Variants in PLXNA4 observed in about 807,000 individuals in gnomAD.
PLXNA4 encodes the protein plexin A4, also known as plexin-A4.
In PLXNA4, 44 loss-of-function variants were observed where a neutral mutation model predicts 191.8. That is an observed-to-expected ratio of 0.23 (90% CI 0.18 to 0.29). The LOEUF is 0.29. Among genes scored for constraint, PLXNA4 ranks in the 10% least tolerant of loss-of-function variants. The pLI is 1.00. For missense variants in PLXNA4, 1,800 were observed against 2,488.8 expected, an observed-to-expected ratio of 0.72 and a Z score of 5.89; for synonymous variants, 1,082 against 1,009.5, an observed-to-expected ratio of 1.07 and a Z score of -1.36.
At chr7:132,298,824 G>A (rs994428951) in intron 3 of PLXNA4, among the ~76,000 whole-genome samples, 28 of 152,336 alleles carry the variant, frequency 1.8e-4, no homozygotes, top group African/African-American at 6.0e-4. Context: ...CCCAGCAAAA[G>A]GGATGTGGGA....
chr7:132,636,134 A>G (rs1803601546), intron 2 of PLXNA4, among the ~76,000 whole-genome samples: 1 of 152,240 alleles, frequency 6.6e-6, no homozygotes, highest in African/African-American at 2.4e-5. Flanking sequence ...AGTGCAAGAA[A>G]CATTCAGCTC....
chr7:132,576,339 A>G lies in PLXNA4; in HGVS notation c.-87+83T>C. On this transcript the variant is annotated intron_variant, in intron 1 of 31. Transcript: ENST00000321063. This position sits in a 1 kb window ranked among gnomAD's most constrained non-coding sequence, Gnocchi z 5.8. ...GCGGGCTGGCTCCGGGACACTGAGG[A>G]CTCCCGGGTCGGCCCAGGTCTGTCC... The G allele has an allele frequency of 1.0e-6, 1 of 953,044 alleles. No homozygotes were observed. The highest frequency in any genetic ancestry group is 5.4e-4 in the Middle Eastern group (1 of 1,862). The allele number at this position is 953,044 out of a possible 1,614,324, so 59.0% of individuals were successfully genotyped here. A position where few individuals can be genotyped will look rare whatever the true frequency, so the allele number is the denominator to read the frequency against.
intron 3 of PLXNA4, among the ~76,000 whole-genome samples, chr7:132,322,167 C>A (rs1319735355): frequency 1.6e-5 from 2 of 126,614 alleles, no homozygotes; most frequent in Non-Finnish European, 1.7e-5. Flanking sequence ...GGCTAGAGTT[C>A]AATTTCCCTA....
chr7:132,227,354 C>T, intron 7 of PLXNA4, 97 bp downstream of exon 7: 1 of 1,509,162 alleles, frequency 6.6e-7, no homozygotes, highest in Non-Finnish European at 9.0e-7. Context: ...CTCTCTCCTG[C>T]CTGCAGGTTG....
At chr7:132,212,613 G>T (rs1298509100) in intron 9 of PLXNA4, among the ~76,000 whole-genome samples, 1 of 152,228 alleles carries the variant, frequency 6.6e-6, no homozygotes, top group African/African-American at 2.4e-5. Flanking sequence ...TGGAGTGGTT[G>T]TTCTCTCCAT....
intron 2 of PLXNA4, among the ~76,000 whole-genome samples, chr7:132,620,078 A>G (rs1233233962): frequency 6.6e-6 from 1 of 152,234 alleles, no homozygotes; most frequent in Non-Finnish European, 1.5e-5. Context: ...CTGGGATTAT[A>G]GGCGTGAGCC....
At chr7:132,430,756 G>A (rs1345972328) in intron 3 of PLXNA4, among the ~76,000 whole-genome samples, 1 of 152,178 alleles carries the variant, frequency 6.6e-6, no homozygotes, top group Non-Finnish European at 1.5e-5. Flanking sequence ...ATCTGTAGGT[G>A]GTAGGAGGCA....
intron 30 of PLXNA4, among the ~76,000 whole-genome samples, chr7:132,138,381 C>T (rs1298637604): frequency 2.0e-5 from 3 of 152,250 alleles, no homozygotes; most frequent in South Asian, 2.1e-4. Context: ...AATGGGGAGG[C>T]GGGAGATCAG....
intron 16 of PLXNA4, among the ~76,000 whole-genome samples, chr7:132,182,794 G>C (rs999407897): frequency 2.6e-5 from 4 of 152,184 alleles, no homozygotes; most frequent in African/African-American, 4.8e-5. Context: ...CCCTGGGGTG[G>C]CACAGGACCA....
At chr7:132,303,878 C>A (rs986406459) in intron 3 of PLXNA4, among the ~76,000 whole-genome samples, 4 of 152,182 alleles carry the variant, frequency 2.6e-5, no homozygotes. Context: ...TAAGGCCTCT[C>A]TTTGTTCTTC....
intron 3 of PLXNA4, among the ~76,000 whole-genome samples, chr7:132,365,720 T>A (rs144280949): frequency 2.0e-5 from 3 of 152,342 alleles, no homozygotes; most frequent in East Asian, 3.9e-4. Context: ...ATCTTTCCTC[T>A]GCCAAGTGCT....
chr7:132,352,622 A>C (rs555808998), intron 3 of PLXNA4, among the ~76,000 whole-genome samples: 1 of 152,294 alleles, frequency 6.6e-6, no homozygotes, highest in Non-Finnish European at 1.5e-5. Context: ...TATGGGAAAA[A>C]GTTCACACAC....
At chr7:132,276,446 C>A (rs1027475846) in intron 4 of PLXNA4, among the ~76,000 whole-genome samples, 1 of 152,164 alleles carries the variant, frequency 6.6e-6, no homozygotes, top group Non-Finnish European at 1.5e-5. Context: ...AATGACCCCC[C>A]CTTTCCCACC....
intron 3 of PLXNA4, among the ~76,000 whole-genome samples, chr7:132,409,076 A>G (rs1303275507): frequency 6.6e-6 from 1 of 152,228 alleles, no homozygotes; most frequent in Non-Finnish European, 1.5e-5. Context: ...ATGGTCTTCT[A>G]GAAGATGCAG....
intron 3 of PLXNA4, among the ~76,000 whole-genome samples, chr7:132,466,190 AGTGT>A (rs1796692743): frequency 6.6e-6 from 1 of 152,184 alleles, no homozygotes; most frequent in Non-Finnish European, 1.5e-5. Context: ...AGAGAGGGCC[AGTGT>A]GAAAGGGGGA....
intron 1 of PLXNA4, among the ~76,000 whole-genome samples, chr7:132,530,031 G>A (rs1212643577): frequency 6.6e-6 from 1 of 152,070 alleles, no homozygotes; most frequent in Non-Finnish European, 1.5e-5. Flanking sequence ...AGAAAGCCAG[G>A]GCCCTTGGGG....
At chr7:132,321,167 A>G (rs1802148760) in intron 3 of PLXNA4, among the ~76,000 whole-genome samples, 2 of 152,186 alleles carry the variant, frequency 1.3e-5, no homozygotes, top group South Asian at 4.2e-4. Context: ...GCTTACTTGC[A>G]TGCCCTCACT....
intron 15 of PLXNA4, 70 bp downstream of exon 15, chr7:132,187,401 C>G: frequency 6.5e-7 from 1 of 1,538,524 alleles, no homozygotes; most frequent in Non-Finnish European, 8.8e-7. Flanking sequence ...AAAAACAAAG[C>G]TACCCTGAAG....
chr7:132,621,391 G>T (rs1803263752), intron 2 of PLXNA4, among the ~76,000 whole-genome samples: 1 of 151,786 alleles, frequency 6.6e-6, no homozygotes, highest in Admixed American at 6.6e-5. Flanking sequence ...CTCCCAAGTA[G>T]CTAGGACTAC....
Sources: allele counts gnomAD v4.1 joint callset (sites outside exome capture counted in the v4.1 genomes callset), GRCh38; gene constraint gnomAD v4.1.1; non-coding constraint Gnocchi (gnomAD v3.1); transcripts MANE v1.5; gene names NCBI Gene and HGNC (gene_info 2026-07-23, HGNC 2026-07-21).